The following MYLIP variants were observed in gnomAD, a reference collection of about 807,000 sequenced individuals.
MYLIP encodes the protein E3 ubiquitin-protein ligase MYLIP.
Under a neutral mutation model 45.8 loss-of-function variants are expected in MYLIP, and 26 were observed. The observed-to-expected ratio is 0.57, with a 90% CI of 0.42 to 0.79. The LOEUF (loss-of-function observed/expected upper bound fraction) is 0.79. Ranked by LOEUF, MYLIP falls within the 30% of genes least tolerant of loss-of-function variation. The pLI is 0.00. For synonymous variants in MYLIP, 213 were observed against 218.1 expected (o/e 0.98, Z 0.21); for missense variants, 494 against 555.6 (o/e 0.89, Z 1.11).
At chr6:16,143,493 C>T (rs1053079719) in intron 4 of MYLIP, among the ~76,000 whole-genome samples, 1 of 152,220 alleles carries the variant, frequency 6.6e-6, no homozygotes. Context: ...ACACCCAGCA[C>T]TTGCTCCCAT....
intron 3 of MYLIP, 94 bp downstream of exon 3, chr6:16,141,904 C>T: frequency 2.5e-6 from 3 of 1,182,402 alleles, no homozygotes; most frequent in Non-Finnish European, 3.5e-6. Flanking sequence ...ACATAATATG[C>T]AGTTTTATGT....
In MYLIP at chr6:16,145,145, A is replaced by T. The variant is rs1440544269; in HGVS notation, c.1076A>T (p.Asn359Ile). Residue 359 changes from asparagine to isoleucine, a missense_variant, in exon 6 of 7, where the codon AAC (asparagine) becomes ATC (isoleucine). By Grantham distance (149) the Asn-to-Ile change is moderately radical. Transcript: ENST00000356840. ...SPLKSSESSM[N>I]CSSCEGLSCQ... Reference sequence around the variant, plus strand: ...CTGAAGTCCTCAGAAAGCAGCATGAACTGCAGCAGCTGCGAGGGCCTCAGC... The same window carrying T: ...CTGAAGTCCTCAGAAAGCAGCATGATCTGCAGCAGCTGCGAGGGCCTCAGC... 1.2e-6 allele frequency: 2 copies of T among 1,614,184 alleles called. No homozygotes were observed.
At position 16,131,093 on chromosome 6, in the gene MYLIP, A is replaced by C. The variant is rs137908932; in HGVS notation, c.278+346A>C. On this transcript the variant is annotated intron_variant, in intron 2 of 6. Transcript: ENST00000356840. ...GACTGACTTCCTGATAGCAGCATCT[A>C]ATGCCCGATAGTAACCTCTGCCTCA... 9.2e-5 allele frequency among the ~76,000 whole-genome samples: 14 copies of C among 151,478 alleles called. 1 individual carries two copies. In the East Asian group the frequency reaches 2.5e-3, roughly 28 times the overall value.
chr6:16,130,760 A>G lies in MYLIP; in HGVS notation c.278+13A>G. On this transcript the variant is annotated intron_variant, in intron 2 of 6. Transcript: ENST00000356840. ...AGGAGCAGACTAGGTAAAGTGAGCT[A>G]AAATAAACCAATGTCAAATTGACCT... The G allele has an allele frequency of 6.2e-7, 1 of 1,606,216 alleles. No individual in the cohort carries two copies. The highest frequency in any genetic ancestry group is 8.5e-7 in the Non-Finnish European group (1 of 1,175,166).
chr6:16,162,463 A>C, the MYLIP span, among the ~76,000 whole-genome samples: 4 of 152,152 alleles, frequency 2.6e-5, no homozygotes, highest in South Asian at 8.3e-4. Context: ...TAATTATATA[A>C]ATACAGCTTC....
In MYLIP at chr6:16,129,352, G is replaced by A. The variant is rs751119580; in HGVS notation, c.30G>A (p.Ala10=). 4 of 1,588,718 alleles carry A rather than the reference G, an allele frequency of 2.5e-6. No homozygotes were observed. In the African/African-American group the frequency reaches 5.4e-5, roughly 21 times the overall value. The change falls in exon 1 of 7, where the codon GCG becomes GCA. Residue 10 remains alanine (A), a synonymous_variant. Coordinates refer to ENST00000356840, the MANE Select transcript of MYLIP (RefSeq NM_013262.4). This position sits in a 1 kb window ranked among gnomAD's most constrained non-coding sequence, Gnocchi z 5.1. MLCYVTRPD[A]VLMEVEVEAK... is the part of the protein sequence containing the mutation. ...TGTGTTATGTGACGAGGCCGGACGC[G>A]GTGCTGATGGAGGTGGAGGTGGAGG...
intron 2 of MYLIP, among the ~76,000 whole-genome samples, chr6:16,137,968 C>G (rs533667537): frequency 6.6e-6 from 1 of 151,974 alleles, no homozygotes; most frequent in Non-Finnish European, 1.5e-5. Context: ...CAGAATGTTA[C>G]GCCTTGGGCC....
the MYLIP span, among the ~76,000 whole-genome samples, chr6:16,161,595 T>A: frequency 6.6e-6 from 1 of 152,236 alleles, no homozygotes; most frequent in East Asian, 1.9e-4. Flanking sequence ...TTCTTCAGGC[T>A]GCTTTGAACC....
the MYLIP span, among the ~76,000 whole-genome samples, chr6:16,153,700 G>T: frequency 1.3e-5 from 2 of 152,194 alleles, no homozygotes; most frequent in Non-Finnish European, 2.9e-5. Flanking sequence ...GTGTGCCAGA[G>T]TTAGGGGAGA....
At chr6:16,143,255 G>T (rs777452622) in intron 4 of MYLIP, 38 bp downstream of exon 4, 1 of 1,575,196 alleles carries the variant, frequency 6.3e-7, no homozygotes, top group Non-Finnish European at 8.7e-7. Flanking sequence ...CTAAGCATGT[G>T]TATACATCTG....
At chr6:16,145,416 G>T in intron 6 of MYLIP, 99 bp downstream of exon 6, 2 of 1,349,522 alleles carry the variant, frequency 1.5e-6, no homozygotes, top group Non-Finnish European at 2.0e-6. Context: ...GCACAGACGG[G>T]GAATGCCCAT....
the MYLIP span, among the ~76,000 whole-genome samples, chr6:16,159,807 C>T: frequency 3.7e-4 from 57 of 152,148 alleles, no homozygotes; most frequent in Non-Finnish European, 6.2e-4. Flanking sequence ...CAGAATAAAG[C>T]AAGGAATGTG....
At chr6:16,156,302 A>G in the MYLIP span, among the ~76,000 whole-genome samples, 1 of 152,202 alleles carries the variant, frequency 6.6e-6, no homozygotes, top group Non-Finnish European at 1.5e-5. Context: ...AGCCCTCACC[A>G]GGGACCCGAC....
In MYLIP at chr6:16,130,676, A is replaced by G; in HGVS notation, c.207A>G (p.Leu69=). ...RNRISQQMDG[L]APYRLKLRVK... Reference sequence around the variant, plus strand: ...GGATCTCCCAGCAGATGGATGGGCTAGCCCCTTACAGGCTTAAACTTAGAG... The same window carrying G: ...GGATCTCCCAGCAGATGGATGGGCTGGCCCCTTACAGGCTTAAACTTAGAG... Residue 69 remains leucine, a synonymous_variant, in exon 2 of 7, where the codon CTA becomes CTG. Coordinates refer to ENST00000356840, the MANE Select transcript of MYLIP (RefSeq NM_013262.4). The G allele has an allele frequency of 1.2e-6, 2 of 1,614,232 alleles. No individual in the cohort carries two copies. Among genetic ancestry groups the G allele is most frequent in the South Asian group, 1.1e-5 (1 of 91,084 alleles).
chr6:16,150,557 A>T (rs555309097), downstream of MYLIP, among the ~76,000 whole-genome samples: 1 of 152,138 alleles, frequency 6.6e-6, no homozygotes. Context: ...TATGCACTAC[A>T]GTGGTGCATG....
downstream of MYLIP, among the ~76,000 whole-genome samples, chr6:16,151,471 A>G (rs1167828988): frequency 6.6e-6 from 1 of 152,230 alleles, no homozygotes; most frequent in Non-Finnish European, 1.5e-5. Flanking sequence ...CCTAAAATAA[A>G]TTAGGAAGGT....
chr6:16,155,681 C>T, the MYLIP span, among the ~76,000 whole-genome samples: 3 of 152,196 alleles, frequency 2.0e-5, no homozygotes, highest in South Asian at 2.1e-4. Flanking sequence ...CTCAGCTCCT[C>T]ATGGGAGGGA....
At position 16,145,296 on chromosome 6, in the gene MYLIP, G is replaced by A; in HGVS notation, c.1227G>A (p.Glu409=). The A allele has an allele frequency of 1.9e-6, 3 of 1,595,396 alleles. No individual in the cohort carries two copies. Among genetic ancestry groups the A allele is most frequent in the Non-Finnish European group, 2.6e-6 (3 of 1,166,712 alleles). Residue 409 remains glutamate, a synonymous_variant, in exon 6 of 7, where the codon GAG becomes GAA. Coordinates refer to ENST00000356840, the MANE Select transcript of MYLIP (RefSeq NM_013262.4). The stretch of plus-strand genomic sequence containing the variant: ...CCTGTGGCCACACTGTGTGCTGTGA[G>A]AGCTGCGCCGCCCAGCTACAGGTAG... The part of the protein sequence containing the change: ...FCPCGHTVCC[E]SCAAQLQSCP...
the MYLIP span, among the ~76,000 whole-genome samples, chr6:16,159,211 CATATT>C: frequency 1.3e-5 from 2 of 152,302 alleles, no homozygotes; most frequent in Non-Finnish European, 2.9e-5. Flanking sequence ...AATTTTACAG[CATATT>C]ATAACAATTT....
Sources: allele counts gnomAD v4.1 joint callset (sites outside exome capture counted in the v4.1 genomes callset), GRCh38; gene constraint gnomAD v4.1.1; non-coding constraint Gnocchi (gnomAD v3.1); transcripts MANE v1.5; gene names NCBI Gene and HGNC (gene_info 2026-07-23, HGNC 2026-07-21).